SPAG9: variants seen among roughly 807,000 people sequenced by gnomAD.
The protein encoded by SPAG9 is C-Jun-amino-terminal kinase-interacting protein 4.
A neutral mutation model predicts 166.5 loss-of-function variants in SPAG9; 35 were observed. That is an observed-to-expected ratio of 0.21 (90% CI 0.16 to 0.28). SPAG9 has a LOEUF of 0.28. Ranked by LOEUF, SPAG9 falls within the 10% of genes least tolerant of loss-of-function variation. The probability of loss-of-function intolerance (pLI) is 1.00; values close to 1 mark genes in which losing one functional copy is unlikely to be tolerated. For missense variants in SPAG9, 1,235 were observed against 1,603.3 expected (o/e 0.77, Z 3.92); for synonymous variants, 534 against 565.5 (o/e 0.94, Z 0.79).
intron 2 of SPAG9, among the ~76,000 whole-genome samples, chr17:51,064,799 C>CACT (rs2047614509): frequency 6.6e-6 from 1 of 152,096 alleles, no homozygotes; most frequent in African/African-American, 2.4e-5. Flanking sequence ...GAAAATTGTA[C>CACT]TAAAAACCGC....
chr17:51,079,275 G>A (rs1203459155), intron 2 of SPAG9, among the ~76,000 whole-genome samples: 2 of 149,430 alleles, frequency 1.3e-5, no homozygotes, highest in African/African-American at 4.9e-5. Flanking sequence ...GTTTCATTCT[G>A]TTGCTCAAGC....
intron 25 of SPAG9, 49 bp downstream of exon 25, chr17:50,982,475 C>A: frequency 6.5e-7 from 1 of 1,531,606 alleles, no homozygotes; most frequent in Non-Finnish European, 8.9e-7. Context: ...TAATAGTCTT[C>A]GGATAATACA....
In SPAG9 at chr17:51,071,176, A is replaced by G. The variant is rs926586721; in HGVS notation, c.424+8408T>C. 4.6e-5 allele frequency among the ~76,000 whole-genome samples: 7 copies of G among 152,148 alleles called. No individual in the cohort carries two copies. In the South Asian group the frequency reaches 1.0e-3, roughly 22 times the overall value. On this transcript the variant is annotated intron_variant, in intron 2 of 29. Coordinates refer to ENST00000262013, the MANE Select transcript of SPAG9 (RefSeq NM_001130528.3). ...GCTAGGCATACTGGACCAGTTTAAT[A>G]TTTTCAACTGTATTAAAATATCTAT...
At chr17:51,018,096 C>A (rs1044824534) in intron 8 of SPAG9, among the ~76,000 whole-genome samples, 1 of 152,048 alleles carries the variant, frequency 6.6e-6, no homozygotes, top group Non-Finnish European at 1.5e-5. Flanking sequence ...AATCTCCCAG[C>A]ACTTTGGGAG....
At chr17:50,993,361 C>T (rs1458159593) in intron 19 of SPAG9, among the ~76,000 whole-genome samples, 3 of 148,156 alleles carry the variant, frequency 2.0e-5, no homozygotes, top group Non-Finnish European at 4.5e-5. Context: ...AAGTATTCCA[C>T]AATAAAATAT....
rs200397323 is a variant in SPAG9, at chr17:51,077,101, G to T, written c.424+2483C>A. Reference sequence around the variant, plus strand: ...AGCTATCTAGCTAGCTATCTATCTAGCTAGCTATCTAGCTATCTAGCTAGC... The same window carrying T: ...AGCTATCTAGCTAGCTATCTATCTATCTAGCTATCTAGCTATCTAGCTAGC... On this transcript the variant is annotated intron_variant, in intron 2 of 29. Transcript: ENST00000262013. Among the ~76,000 whole-genome samples, 82 of 102,036 alleles carry T rather than the reference G, an allele frequency of 8.0e-4. 1 individual carries two copies. Among genetic ancestry groups the T allele is most frequent in the African/African-American group, 3.6e-3 (63 of 17,642 alleles). The allele number at this position is 102,036 out of a possible 152,430, so 66.9% of individuals were successfully genotyped here.
At chr17:51,031,307 T>C (rs909588905) in intron 6 of SPAG9, 5 of 249,680 alleles carry the variant, frequency 2.0e-5, no homozygotes, top group African/African-American at 1.1e-4. Context: ...AGCAGTCCAC[T>C]GTAAGATGAC....
chr17:51,116,417 C>A (rs1223857869), intron 1 of SPAG9, among the ~76,000 whole-genome samples: 2 of 152,068 alleles, frequency 1.3e-5, no homozygotes, highest in Admixed American at 1.3e-4. Flanking sequence ...CCTAACATAC[C>A]CAGTTATAAC....
intron 1 of SPAG9, among the ~76,000 whole-genome samples, chr17:51,095,296 TAAAAAAA>T (rs71149343): frequency 1.4e-4 from 12 of 83,472 alleles, no homozygotes; most frequent in South Asian, 3.8e-4. Flanking sequence ...ACTCCATCTT[TAAAAAAA>T]AAAAAAAAAA....
intron 22 of SPAG9, among the ~76,000 whole-genome samples, chr17:50,986,231 T>TG (rs1193132629): frequency 9.3e-4 from 141 of 152,266 alleles, no homozygotes; most frequent in Middle Eastern, 3.4e-3. Context: ...TAAAAGTGTG[T>TG]GTGGGGGGGA....
At chr17:51,115,588 T>C (rs2049263746) in intron 1 of SPAG9, among the ~76,000 whole-genome samples, 1 of 152,022 alleles carries the variant, frequency 6.6e-6, no homozygotes, top group Non-Finnish European at 1.5e-5. Flanking sequence ...CCCAGCACTT[T>C]AGGAGGCCAA....
At position 51,079,531 on chromosome 17, in the gene SPAG9, G is replaced by A. The variant is rs536191315; in HGVS notation, c.424+53C>T. 1,797 of 1,585,024 alleles carry A rather than the reference G, an allele frequency of 1.1e-3. 2 individuals carry two copies. Among genetic ancestry groups the A allele is most frequent in the Non-Finnish European group, 1.4e-3 (1,628 of 1,162,276 alleles). ...TGGGATTACAGGCGTGAGCCACCAC[G>A]TCTGGCCAAGCCCAATCTTTAGTGT... On this transcript the variant is annotated intron_variant, in intron 2 of 29. Transcript: ENST00000262013.
chr17:51,005,348 C>T, intron 11 of SPAG9, 85 bp from the exon 12 acceptor site: 1 of 1,249,182 alleles, frequency 8.0e-7, no homozygotes, highest in Non-Finnish European at 1.2e-6. Context: ...ACAATTTTAA[C>T]TACCACTAAA....
chr17:51,004,133 T>C (rs1393175099), intron 12 of SPAG9, among the ~76,000 whole-genome samples: 1 of 152,182 alleles, frequency 6.6e-6, no homozygotes, highest in Admixed American at 6.5e-5. Flanking sequence ...AATTAAACCA[T>C]ATATACATAT....
chr17:50,982,427 A>G, intron 25 of SPAG9, 97 bp downstream of exon 25: 3 of 1,183,244 alleles, frequency 2.5e-6, no homozygotes, highest in Non-Finnish European at 2.4e-6. Context: ...ACACAGATCC[A>G]GAAACAATTT....
intron 18 of SPAG9, among the ~76,000 whole-genome samples, chr17:50,994,329 C>T (rs1039438864): frequency 6.6e-6 from 1 of 152,158 alleles, no homozygotes; most frequent in African/African-American, 2.4e-5. Flanking sequence ...GATTCTGAGG[C>T]CTCCCCAGAG....
intron 2 of SPAG9, among the ~76,000 whole-genome samples, chr17:51,076,433 T>C (rs1317272397): frequency 6.8e-6 from 1 of 146,618 alleles, no homozygotes; most frequent in Non-Finnish European, 1.5e-5. Flanking sequence ...TAATAATTTC[T>C]TATTGAAAAC....
chr17:51,083,577 T>TTATG, intron 1 of SPAG9, among the ~76,000 whole-genome samples: 1 of 140,084 alleles, frequency 7.1e-6, no homozygotes, highest in East Asian at 1.9e-4. Context: ...ATTTATTTAT[T>TTATG]TATTTAAGAT....
intron 21 of SPAG9, 67 bp downstream of exon 21, chr17:50,989,610 G>T: frequency 8.2e-7 from 1 of 1,225,170 alleles, no homozygotes; most frequent in South Asian, 1.3e-5. Flanking sequence ...GACTGTTTGA[G>T]ATTATTTTGG....
Sources: allele counts gnomAD v4.1 joint callset (sites outside exome capture counted in the v4.1 genomes callset), GRCh38; gene constraint gnomAD v4.1.1; transcripts MANE v1.5; gene names NCBI Gene and HGNC (gene_info 2026-07-23, HGNC 2026-07-21).